The following ATP9B variants were observed in gnomAD, a reference collection of about 807,000 sequenced individuals.
ATP9B encodes ATPase phospholipid transporting 9B.
A neutral mutation model predicts 146.1 loss-of-function variants in ATP9B; 110 were observed. The ratio of observed to expected loss-of-function variants is 0.75; its 90% confidence interval spans 0.65 to 0.88. ATP9B has a LOEUF of 0.88. Among genes scored for constraint, ATP9B ranks in the 40% least tolerant of loss-of-function variants. ATP9B has a pLI of 0.00. For synonymous variants in ATP9B, 604 were observed against 569.7 expected, an observed-to-expected ratio of 1.06 and a Z score of -0.86; for missense variants, 1,499 against 1,496.4, an observed-to-expected ratio of 1.00 and a Z score of -0.03.
chr18:79,336,231 G>GCCC (rs1555860115), intron 17 of ATP9B, among the ~76,000 whole-genome samples: 2 of 152,062 alleles, frequency 1.3e-5, no homozygotes, highest in Non-Finnish European at 2.9e-5. Context: ...CACCCTCCGT[G>GCCC]TGTTCTTGCT....
chr18:79,309,989 G>A (rs1038466848), intron 15 of ATP9B, among the ~76,000 whole-genome samples: 7 of 152,172 alleles, frequency 4.6e-5, no homozygotes, highest in Non-Finnish European at 7.3e-5. Context: ...GAAAGTATGG[G>A]TATGAAAGCT....
At position 79,113,387 on chromosome 18, in the gene ATP9B, A is replaced by T. The variant is rs963201667; in HGVS notation, c.558+33A>T. 7.1e-6 allele frequency: 9 copies of T among 1,259,612 alleles called. No individual in the cohort carries two copies. The Admixed American group carries it at 2.0e-4, about 27-fold the overall frequency. 78.0% of individuals were successfully genotyped at this position (1,259,612 alleles called of 1,614,324 possible). On this transcript the variant is annotated intron_variant, in intron 4 of 29. Coordinates refer to ENST00000426216, the MANE Select transcript of ATP9B (RefSeq NM_198531.5). ...AAGACTTTAAAAATTAAGTTAAATT[A>T]TGAAATATTTAGAATATAGTTTTAA...
At chr18:79,162,080 A>G (rs2094891286) in intron 7 of ATP9B, among the ~76,000 whole-genome samples, 1 of 152,178 alleles carries the variant, frequency 6.6e-6, no homozygotes, top group Admixed American at 6.5e-5. Context: ...TTTTAATACT[A>G]TTTTATTGCT....
chr18:79,148,129 T>C (rs2094621791), intron 6 of ATP9B, among the ~76,000 whole-genome samples: 2 of 152,112 alleles, frequency 1.3e-5, no homozygotes, highest in South Asian at 4.1e-4. Flanking sequence ...AAATAGACAA[T>C]ATCAGTAGTC....
chr18:79,223,083 G>T (rs1234754237), intron 11 of ATP9B, among the ~76,000 whole-genome samples: 2 of 152,180 alleles, frequency 1.3e-5, no homozygotes, highest in Non-Finnish European at 2.9e-5. Context: ...ATAAAAAGAT[G>T]CTTTCAGATG....
At chr18:79,355,707 C>T (rs1487603957) in intron 25 of ATP9B, among the ~76,000 whole-genome samples, 3 of 152,108 alleles carry the variant, frequency 2.0e-5, no homozygotes, top group Non-Finnish European at 4.4e-5. Flanking sequence ...GGGCTAGGAA[C>T]TTACTTGAAG....
At chr18:79,245,763 G>GCCCTGCTGACTGAGGAGGGCACCA (rs1568483542) in intron 11 of ATP9B, among the ~76,000 whole-genome samples, 30 of 97,008 alleles carry the variant, frequency 3.1e-4, no homozygotes, top group Middle Eastern at 0.01. Context: ...GGAGGGCACC[G>GCCCTGCTGACTGAGGAGGGCACCA]CCCTACTGAC....
At chr18:79,205,588 A>C (rs1050004260) in intron 9 of ATP9B, among the ~76,000 whole-genome samples, 4 of 152,076 alleles carry the variant, frequency 2.6e-5, no homozygotes, top group Non-Finnish European at 4.4e-5. Flanking sequence ...CAGTCAGGAC[A>C]GTGTGTGGCT....
At chr18:79,215,171 A>G (rs2095616567) in intron 11 of ATP9B, among the ~76,000 whole-genome samples, 1 of 150,432 alleles carries the variant, frequency 6.6e-6, no homozygotes, top group African/African-American at 2.5e-5. Flanking sequence ...AAAAAGATAT[A>G]TTTGAGCAAG....
intron 23 of ATP9B, among the ~76,000 whole-genome samples, chr18:79,346,304 TG>T (rs1347531586): frequency 7.0e-6 from 1 of 143,116 alleles, no homozygotes; most frequent in Admixed American, 7.0e-5. Context: ...AGCACACACT[TG>T]GCACACTCGT....
intron 11 of ATP9B, among the ~76,000 whole-genome samples, chr18:79,242,144 G>A (rs981668125): frequency 2.0e-5 from 3 of 152,204 alleles, no homozygotes; most frequent in South Asian, 2.1e-4. Context: ...AAATCCAAGC[G>A]TTTTGTCTGT....
At chr18:79,176,194 G>A (rs956262150) in intron 7 of ATP9B, among the ~76,000 whole-genome samples, 5 of 152,188 alleles carry the variant, frequency 3.3e-5, no homozygotes, top group Non-Finnish European at 5.9e-5. Flanking sequence ...GCAAGGAGCA[G>A]CCTTGTGTGT....
At chr18:79,152,900 C>G (rs535565035) in intron 6 of ATP9B, among the ~76,000 whole-genome samples, 1 of 152,312 alleles carries the variant, frequency 6.6e-6, no homozygotes, top group African/African-American at 2.4e-5. Context: ...GTATAATCGT[C>G]TATCTTGGTG....
intron 15 of ATP9B, among the ~76,000 whole-genome samples, chr18:79,311,769 C>T (rs994650030): frequency 1.8e-4 from 27 of 152,098 alleles, no homozygotes; most frequent in African/African-American, 5.8e-4. Flanking sequence ...GTTGGCTTTC[C>T]GTCTTTCTCT....
chr18:79,360,339 G>A (rs551265146), intron 26 of ATP9B: 3 of 152,298 alleles, frequency 2.0e-5, no homozygotes, highest in African/African-American at 7.2e-5. Flanking sequence ...TTTTAAAGCA[G>A]TAGCTGTATG....
intron 1 of ATP9B, among the ~76,000 whole-genome samples, chr18:79,091,748 A>C (rs2074335425): frequency 6.6e-6 from 1 of 152,170 alleles, no homozygotes; most frequent in Non-Finnish European, 1.5e-5. Flanking sequence ...TTTCCTTTCC[A>C]ATTTGGATTC....
chr18:79,375,457 G>A (rs765148265), intron 29 of ATP9B, 31 bp downstream of exon 29: 12 of 1,608,346 alleles, frequency 7.5e-6, no homozygotes, highest in Admixed American at 6.7e-5. Flanking sequence ...TTTCAAAAGT[G>A]TAGAAATTTA....
chr18:79,247,806 A>G (rs145478810), intron 11 of ATP9B, among the ~76,000 whole-genome samples: 1 of 152,362 alleles, frequency 6.6e-6, no homozygotes, highest in African/African-American at 2.4e-5. Context: ...AAAACATTTT[A>G]TATAATAACT....
At chr18:79,238,598 G>T (rs2095863076) in intron 11 of ATP9B, among the ~76,000 whole-genome samples, 3 of 152,190 alleles carry the variant, frequency 2.0e-5, no homozygotes, top group Admixed American at 1.3e-4. Flanking sequence ...GCCCCGTTCT[G>T]CGCTCTCCTC....
Sources: gnomAD v4.1 joint callset for allele counts (sites outside exome capture counted in the v4.1 genomes callset) on GRCh38, gnomAD v4.1.1 for gene constraint, MANE v1.5 for transcripts, NCBI Gene and HGNC (gene_info 2026-07-23, HGNC 2026-07-21) for gene names.